The following KIAA0040 variants were observed in gnomAD, a reference collection of about 807,000 sequenced individuals.
The protein encoded by KIAA0040 is uncharacterized protein KIAA0040.
A neutral mutation model predicts 7.2 loss-of-function variants in KIAA0040; 10 were observed. The ratio of observed to expected loss-of-function variants is 1.38; its 90% CI spans 0.85 to 2.34. The LOEUF is 2.34. KIAA0040 is among the 30% of genes most tolerant of loss of function. The pLI is 0.00. For missense variants in KIAA0040, 89 were observed against 108.2 expected (o/e 0.82, Z 0.79); for synonymous variants, 49 against 40.1 (o/e 1.22, Z -0.84).
rs148184244 is a variant in KIAA0040, at chr1:175,160,354, T to TTG, written c.*358_*359dup. ...TTGCCCACGTACCTGCTACCTGAAT[T>TTG]TGTGTGTGTGTGTGTTACGTGCATG... is the stretch of plus-strand genomic sequence containing the variant. On this transcript the variant is annotated 3_prime_UTR_variant, in exon 4 of 4. Coordinates refer to ENST00000423313, the MANE Select transcript of KIAA0040 (RefSeq NM_014656.3). The TTG allele has an allele frequency of 9.5e-5, 21 of 220,026 alleles. No individual in the cohort carries two copies. Among genetic ancestry groups the TTG allele is most frequent in the Admixed American group, 3.1e-4 (6 of 19,144 alleles). The allele number at this position is 220,026 out of a possible 1,614,324, so 13.6% of individuals were successfully genotyped here.
upstream of KIAA0040, chr1:175,192,794 C>G (rs10912903): frequency 0.48 from 70,499 of 146,778 alleles, 17,581 homozygotes; most frequent in Non-Finnish European, 0.56. Flanking sequence ...AGGGCCCCGG[C>G]GCCGGCCAAG....
At chr1:175,170,937 C>T (rs1011680307) in intron 2 of KIAA0040, among the ~76,000 whole-genome samples, 2 of 152,236 alleles carry the variant, frequency 1.3e-5, no homozygotes, top group Non-Finnish European at 2.9e-5. Context: ...GCCCTGCCAT[C>T]GTCTGGCCCC....
chr1:175,174,818 T>TACAC (rs1553328651), intron 2 of KIAA0040, among the ~76,000 whole-genome samples: 11 of 151,778 alleles, frequency 7.2e-5, no homozygotes, highest in East Asian at 1.9e-4. Flanking sequence ...TATATATATA[T>TACAC]ACACATACAT....
intron 1 of KIAA0040, among the ~76,000 whole-genome samples, chr1:175,189,908 C>G (rs2205603): frequency 0.49 from 74,317 of 152,008 alleles, 18,701 homozygotes; most frequent in Non-Finnish European, 0.56. Context: ...ACCCATGTAT[C>G]TCTAGCTCCA....
chr1:175,191,951 C>A (rs1436049294), intron 1 of KIAA0040, among the ~76,000 whole-genome samples: 1 of 152,182 alleles, frequency 6.6e-6, no homozygotes, highest in Admixed American at 6.5e-5. Context: ...CAGGACTGGT[C>A]TTCCCACTAG....
intron 1 of KIAA0040, 30 bp from the exon 2 acceptor site, chr1:175,177,714 T>C (rs1677258602): frequency 6.6e-6 from 1 of 152,210 alleles, no homozygotes; most frequent in Non-Finnish European, 1.5e-5. Flanking sequence ...AATGATAGCA[T>C]GTACTGCCCC....
intron 1 of KIAA0040, 43 bp from the exon 2 acceptor site, chr1:175,177,727 T>C (rs1677259497): frequency 6.6e-6 from 1 of 152,172 alleles, no homozygotes; most frequent in South Asian, 2.1e-4. Context: ...ACTGCCCCTT[T>C]GGAGGGAAAT....
chr1:175,166,484 C>A (rs1342962288), intron 3 of KIAA0040, 78 bp downstream of exon 3: 3 of 152,146 alleles, frequency 2.0e-5, no homozygotes, highest in African/African-American at 7.2e-5. Flanking sequence ...GAGCAGCCGA[C>A]CTTCATTTAT....
rs1489308943 is a variant in KIAA0040 at position 175,168,206 on chromosome 1, T to C, written c.-309-1469A>G. Among the ~76,000 whole-genome samples, 4 of 152,306 alleles carry C rather than the reference T, an allele frequency of 2.6e-5. No individual in the cohort carries two copies. The East Asian group carries it at 7.7e-4, about 29-fold the overall frequency. On this transcript the variant is annotated intron_variant, in intron 2 of 3. Coordinates refer to ENST00000423313, the MANE Select transcript of KIAA0040 (RefSeq NM_014656.3). ...GCTAACCTGGCATGCTCAGGTGCCC[T>C]CTAATAGAGGTAAGTACTGTTTTGT...
At chr1:175,187,684 G>A (rs1286187273) in intron 1 of KIAA0040, among the ~76,000 whole-genome samples, 1 of 152,036 alleles carries the variant, frequency 6.6e-6, no homozygotes, top group Admixed American at 6.6e-5. Context: ...CTAAGCTCAT[G>A]GGTCTTCCCT....
chr1:175,169,601 T>C (rs1323289313), intron 2 of KIAA0040, among the ~76,000 whole-genome samples: 2 of 152,186 alleles, frequency 1.3e-5, no homozygotes, highest in Non-Finnish European at 2.9e-5. Context: ...TGTGAGATGG[T>C]TCTGGAGTCA....
chr1:175,162,323 C>T (rs1164268070), intron 3 of KIAA0040, among the ~76,000 whole-genome samples: 1 of 152,078 alleles, frequency 6.6e-6, no homozygotes, highest in African/African-American at 2.4e-5. Flanking sequence ...AACTCTCTCA[C>T]TTAAGGATAA....
chr1:175,165,219 C>A (rs1676710263), intron 3 of KIAA0040, among the ~76,000 whole-genome samples: 2 of 152,056 alleles, frequency 1.3e-5, no homozygotes, highest in Admixed American at 1.3e-4. Context: ...AACAGTGATC[C>A]CAGAGCCAGA....
intron 3 of KIAA0040, among the ~76,000 whole-genome samples, chr1:175,161,976 A>G (rs940325268): frequency 6.6e-6 from 1 of 151,986 alleles, no homozygotes; most frequent in Non-Finnish European, 1.5e-5. Context: ...CTGCTTAGTG[A>G]TGGTGCTTGG....
chr1:175,186,260 T>C (rs976143577), intron 1 of KIAA0040, among the ~76,000 whole-genome samples: 2 of 152,232 alleles, frequency 1.3e-5, no homozygotes, highest in African/African-American at 4.8e-5. Flanking sequence ...AGATGTCACA[T>C]GGAAAAGAAT....
intron 3 of KIAA0040, among the ~76,000 whole-genome samples, chr1:175,163,071 C>T (rs978195316): frequency 2.6e-5 from 4 of 152,162 alleles, no homozygotes; most frequent in Non-Finnish European, 5.9e-5. Flanking sequence ...GAGTGAGTGC[C>T]AGAGCCGGTC....
intron 1 of KIAA0040, among the ~76,000 whole-genome samples, chr1:175,186,272 G>A (rs374703265): frequency 5.3e-5 from 8 of 152,254 alleles, no homozygotes; most frequent in African/African-American, 1.9e-4. Flanking sequence ...GAAAAGAATG[G>A]CAGAGTTTCC....
chr1:175,181,711 G>T (rs1677445318), intron 1 of KIAA0040, among the ~76,000 whole-genome samples: 1 of 152,248 alleles, frequency 6.6e-6, no homozygotes, highest in South Asian at 2.1e-4. Flanking sequence ...GAAGTAGCAA[G>T]GAGGGAGACG....
At position 175,170,799 on chromosome 1, in the gene KIAA0040, C is replaced by T. The variant is rs1458849273; in HGVS notation, c.-309-4062G>A. ...TGGTTCTGCTCCTCCCTCCCTCCGG[C>T]CTGTTCTCCCCACCAGAGCCAGATC... On this transcript the variant is annotated intron_variant, in intron 2 of 3. Coordinates refer to ENST00000423313, the MANE Select transcript of KIAA0040 (RefSeq NM_014656.3). Among the ~76,000 whole-genome samples the T allele has an allele frequency of 2.0e-5, 3 of 152,206 alleles. No individual in the cohort carries two copies. The East Asian group carries it at 5.8e-4, about 29-fold the overall frequency.
Sources: allele counts gnomAD v4.1 joint callset (sites outside exome capture counted in the v4.1 genomes callset), GRCh38; gene constraint gnomAD v4.1.1; transcripts MANE v1.5; gene names NCBI Gene and HGNC (gene_info 2026-07-23, HGNC 2026-07-21).